The following CLSPN variants were observed in gnomAD, a reference collection of about 807,000 sequenced individuals.
CLSPN encodes claspin.
In CLSPN, 85 loss-of-function variants were observed where a neutral mutation model predicts 156.3. The observed-to-expected ratio is 0.54, with a 90% CI of 0.46 to 0.65. The LOEUF (loss-of-function observed/expected upper bound fraction) is 0.65. Ranked by LOEUF, CLSPN falls within the 30% of genes least tolerant of loss-of-function variation. The pLI, the probability that CLSPN is intolerant of heterozygous loss-of-function variation, is 0.00. For missense variants in CLSPN, 1,407 were observed against 1,554.9 expected, an observed-to-expected ratio of 0.90 and a Z score of 1.60; for synonymous variants, 534 against 542.4, an observed-to-expected ratio of 0.98 and a Z score of 0.22.
chr1:35,736,436 T>C lies in CLSPN; in HGVS notation c.*60A>G. On this transcript the variant is annotated 3_prime_UTR_variant, in exon 25 of 25. Transcript: ENST00000318121. ...CATTGGCTGGAGTGTCAATTCCAAC[T>C]TTCAGTGCTAGAAACTTCTCAAAGC... 2 of 1,497,590 alleles carry C rather than the reference T, an allele frequency of 1.3e-6. No individual in the cohort carries two copies. Among genetic ancestry groups the C allele is most frequent in the Non-Finnish European group, 1.8e-6 (2 of 1,124,756 alleles). The allele number at this position is 1,497,590 out of a possible 1,614,324, so 92.8% of individuals were successfully genotyped here. A position where few individuals can be genotyped will look rare whatever the true frequency, so the allele number is the denominator to read the frequency against.
At chr1:35,726,177 C>T (rs1430764547) in intron 24 of CLSPN, among the ~76,000 whole-genome samples, 3 of 21,232 alleles carry the variant, frequency 1.4e-4, no homozygotes, top group Non-Finnish European at 6.3e-4. Flanking sequence ...AAAAAAAAAG[C>T]GCATAGCAAA....
chr1:35,721,479 C>G (rs899755605), intron 24 of CLSPN, among the ~76,000 whole-genome samples: 1 of 152,190 alleles, frequency 6.6e-6, no homozygotes, highest in Admixed American at 6.5e-5. Context: ...CCTCCGCCTC[C>G]CAGGTTCAAG....
chr1:35,731,584 G>A (rs748892894), downstream of CLSPN, among the ~76,000 whole-genome samples: 1 of 152,092 alleles, frequency 6.6e-6, no homozygotes, highest in Non-Finnish European at 1.5e-5. Context: ...AAACAGAAGT[G>A]GGGGGGTCAG....
intron 12 of CLSPN, 152 bp downstream of exon 12, chr1:35,749,315 A>G (rs1557511980): frequency 1.4e-6 from 1 of 717,724 alleles, no homozygotes; most frequent in East Asian, 2.7e-5. Context: ...ACCAAGAAAA[A>G]TATTCTAATT....
intron 24 of CLSPN, among the ~76,000 whole-genome samples, chr1:35,725,720 T>C (rs932115923): frequency 1.2e-4 from 18 of 152,082 alleles, no homozygotes; most frequent in South Asian, 1.0e-3. Context: ...GAGGCCTCAA[T>C]AGGATTTGGG....
chr1:35,749,696 A>C lies in CLSPN; in HGVS notation c.2144T>G (p.Val715Gly). The change falls in exon 11 of 25, where the codon GTT becomes GGT. Residue 715 changes from valine (V) to glycine (G), a missense_variant. By Grantham distance (109) the Val-to-Gly change is moderately radical. Coordinates refer to ENST00000318121, the MANE Select transcript of CLSPN (RefSeq NM_022111.4). ...EIGKAVGFLS[V>G]PKSLSSDSTL... ...AGAATCTGATGAGAGAGACTTGGGA[A>C]CAGAGAGGAAGCCAACTGCCTTGCC... The C allele has an allele frequency of 6.2e-7, 1 of 1,614,196 alleles. No homozygotes were observed. Among genetic ancestry groups the C allele is most frequent in the Non-Finnish European group, 8.5e-7 (1 of 1,180,028 alleles).
chr1:35,764,389 C>T lies in CLSPN; in HGVS notation c.459G>A (p.Lys153=), dbSNP rs1188760925. Residue 153 remains lysine (K), a synonymous_variant, in exon 3 of 25, where the codon AAG becomes AAA. Transcript: ENST00000318121. ...CAGTTCCTTCTTTATCATGTATGTGCTTTTTGGAACTCTTTCTGTCAGTGG... is the reference window on the plus strand; with the variant it reads ...CAGTTCCTTCTTTATCATGTATGTGTTTTTTGGAACTCTTTCTGTCAGTGG... ...DFTTDRKSSK[K]HIHDKEGTAG... 1 of 1,613,268 alleles carries T rather than the reference C, an allele frequency of 6.2e-7. No homozygotes were observed. The highest frequency in any genetic ancestry group is 1.3e-5 in the African/African-American group (1 of 74,776).
intron 9 of CLSPN, 120 bp from the exon 10 acceptor site, chr1:35,751,626 G>T: frequency 7.6e-7 from 1 of 1,311,102 alleles, no homozygotes; most frequent in African/African-American, 1.5e-5. Flanking sequence ...CTAGTATTCT[G>T]GGCTTTTTTG....
Position 35,739,236 on chromosome 1 carries a change from A to G in CLSPN, c.3330T>C (p.Asp1110=). 3 of 1,614,200 alleles carry G rather than the reference A, an allele frequency of 1.9e-6. No individual in the cohort carries two copies. Among genetic ancestry groups the G allele is most frequent in the Non-Finnish European group, 1.7e-6 (2 of 1,180,032 alleles). Residue 1110 remains aspartate (D), a synonymous_variant, in exon 20 of 25, where the codon GAT becomes GAC. Transcript: ENST00000318121. ...CTTGGTATAAACGTAGCTGTCGCTT[A>G]TCATCATCCAACATAGTTTTCCTGC... The part of the protein sequence containing the change: ...KIHMKTMLDD[D]KRQLRLYQER...
chr1:35,762,423 G>A lies in CLSPN; in HGVS notation c.803C>T (p.Ser268Leu). The A allele has an allele frequency of 4.3e-6, 7 of 1,613,796 alleles. No homozygotes were observed. Among genetic ancestry groups the A allele is most frequent in the Admixed American group, 1.7e-5 (1 of 59,998 alleles). The change falls in exon 5 of 25, where the codon TCA becomes TTA. Residue 268 changes from serine to leucine, a missense_variant. Around this residue, in one of 3 missense-constraint regions of CLSPN, gnomAD observed 1,096 missense variants for 1,193.0 expected, o/e 0.92. Coordinates refer to ENST00000318121, the MANE Select transcript of CLSPN (RefSeq NM_022111.4). ...CCTCACCTTCCTCGTGGTTCCTTTT[G>A]ATAACTCACTTCCTTCCTCAAATGA... ...VHSFEEGSEL[S>L]KGTTRKERKA... is the part of the protein sequence containing the mutation.
chr1:35,749,824 G>C lies in CLSPN; in HGVS notation c.2029-13C>G, dbSNP rs781150111. 12 of 1,606,058 alleles carry C rather than the reference G, an allele frequency of 7.5e-6. No homozygotes were observed. The highest frequency in any genetic ancestry group is 9.3e-6 in the Non-Finnish European group (11 of 1,176,854). ...GGAATTCTGCAGTCTTTACCAATCA[G>C]GCCACCACAAAACAAAAAATACAAG... On this transcript the variant is annotated splice_polypyrimidine_tract_variant and intron_variant, in intron 10 of 24. Coordinates refer to ENST00000318121, the MANE Select transcript of CLSPN (RefSeq NM_022111.4).
chr1:35,730,209 G>A (rs4653147), downstream of CLSPN, among the ~76,000 whole-genome samples: 1 of 152,000 alleles, frequency 6.6e-6, no homozygotes, highest in Admixed American at 6.5e-5. Flanking sequence ...AAGCCTCAAC[G>A]AACATTAAAG....
intron 8 of CLSPN, among the ~76,000 whole-genome samples, chr1:35,756,783 GA>G (rs1642286121): frequency 6.6e-6 from 1 of 152,150 alleles, no homozygotes; most frequent in Non-Finnish European, 1.5e-5. Context: ...ATGAGGTAAA[GA>G]AACTGAGCTG....
intron 10 of CLSPN, among the ~76,000 whole-genome samples, 189 bp from the exon 11 acceptor site, chr1:35,750,000 A>AT (rs66909447): frequency 0.78 from 115,471 of 147,852 alleles, 46,967 homozygotes; most frequent in East Asian, 0.94. Context: ...ACTTTTTTCT[A>AT]TTTTTTTTTT....
chr1:35,728,524 A>G (rs1641244561), downstream of CLSPN, among the ~76,000 whole-genome samples: 1 of 152,204 alleles, frequency 6.6e-6, no homozygotes. Flanking sequence ...CCATTTGATC[A>G]TCAGAAAGTT....
rs3041363 is a variant in CLSPN, at chr1:35,726,152, C to CAAAAAAAAAAAAA, written c.3910-5185_3910-5173dup. 4.3e-3 allele frequency among the ~76,000 whole-genome samples: 207 copies of CAAAAAAAAAAAAA among 48,170 alleles called. 62 individuals carry two copies. The highest frequency in any genetic ancestry group is 8.9e-3 in the South Asian group (8 of 896). The allele number at this position is 48,170 out of a possible 152,430, so 31.6% of individuals were successfully genotyped here. ...ACACACCCATAGAAACAGATGCAGA[C>CAAAAAAAAAAAAA]AAAAAAAAAAAAAAAAAAAAAAAGC... is the stretch of plus-strand genomic sequence containing the variant. On this transcript the variant is annotated intron_variant, in intron 24 of 24. Coordinates refer to the CLSPN transcript ENST00000251195.
chr1:35,755,435 TTTTTTA>T (rs1235591089), intron 8 of CLSPN, among the ~76,000 whole-genome samples: 4 of 151,802 alleles, frequency 2.6e-5, no homozygotes, highest in African/African-American at 7.3e-5. Flanking sequence ...CCCAGCTAAT[TTTTTTA>T]TTTTTATTTT....
Position 35,749,675 on chromosome 1 carries a change from T to G in CLSPN, c.2165A>C (p.Asp722Ala). The G allele has an allele frequency of 6.2e-7, 1 of 1,614,186 alleles. No homozygotes were observed. Among genetic ancestry groups the G allele is most frequent in the East Asian group, 2.2e-5 (1 of 44,874 alleles). The change falls in exon 11 of 25, where the codon GAT (aspartate) becomes GCT (alanine). Residue 722 changes from aspartate (D) to alanine (A), a missense_variant. Asp to Ala is a moderately radical substitution (Grantham distance 126, BLOSUM62 -2). Coordinates refer to ENST00000318121, the MANE Select transcript of CLSPN (RefSeq NM_022111.4). ...FLSVPKSLSSDSTLLLFKDSS... is the reference protein window; with the variant it reads ...FLSVPKSLSSASTLLLFKDSS... ...GTCCTTAAACAGAAGTAAAGTAGAATCTGATGAGAGAGACTTGGGAACAGA... is the reference window on the plus strand; with the variant it reads ...GTCCTTAAACAGAAGTAAAGTAGAAGCTGATGAGAGAGACTTGGGAACAGA...
At chr1:35,752,582 G>GAAAAAAAAA (rs58271996) in intron 9 of CLSPN, among the ~76,000 whole-genome samples, 1 of 67,880 alleles carries the variant, frequency 1.5e-5, no homozygotes. Flanking sequence ...TGTCTTAGAG[G>GAAAAAAAAA]AAAAAAAAAA....
Sources: allele counts gnomAD v4.1 joint callset (sites outside exome capture counted in the v4.1 genomes callset), GRCh38; gene constraint gnomAD v4.1.1; regional missense constraint gnomAD v4.1.1; transcripts MANE v1.5; gene names NCBI Gene and HGNC (gene_info 2026-07-23, HGNC 2026-07-21).